Variants in PLEKHD1 observed in about 807,000 individuals in gnomAD.
PLEKHD1 encodes the protein pleckstrin homology and coiled-coil domain containing D1.
A neutral mutation model predicts 69.2 loss-of-function variants in PLEKHD1; 51 were observed. The observed-to-expected ratio is 0.74, with a 90% CI of 0.59 to 0.93. PLEKHD1 has a LOEUF of 0.93. Among genes scored for constraint, PLEKHD1 ranks in the 40% least tolerant of loss-of-function variants. The pLI, the probability that PLEKHD1 is intolerant of heterozygous loss-of-function variation, is 0.00. For missense variants in PLEKHD1, 584 were observed against 641.0 expected (o/e 0.91, Z 0.96); for synonymous variants, 236 against 244.7 (o/e 0.96, Z 0.33).
rs546187670 is a variant in PLEKHD1 at position 69,528,398 on chromosome 14, A to G, written c.1500A>G (p.Ala500=). Residue 500 remains alanine (A), a synonymous_variant, in exon 13 of 13, where the codon GCA becomes GCG. Coordinates refer to ENST00000322564, the MANE Select transcript of PLEKHD1 (RefSeq NM_001161498.2). The stretch of plus-strand genomic sequence containing the variant: ...CCACCCAGCCTGGAGCCCCCTCGGC[A>G]CTCTCCCGGGGTGGAAAGTGATGGG... ...IMATQPGAPS[A]LSRGGK 2.3e-4 allele frequency: 356 copies of G among 1,550,734 alleles called. 2 individuals are homozygous for G. The African/African-American group carries it at 4.5e-3, about 20-fold the overall frequency.
At chr14:69,523,326 C>T (rs760055665) in intron 7 of PLEKHD1, among the ~76,000 whole-genome samples, 3 of 152,320 alleles carry the variant, frequency 2.0e-5, no homozygotes, top group Non-Finnish European at 4.4e-5. Flanking sequence ...TAGTCATCAT[C>T]GTCATCCTCA....
intron 1 of PLEKHD1, among the ~76,000 whole-genome samples, chr14:69,487,633 G>A (rs1882684314): frequency 6.6e-6 from 1 of 152,248 alleles, no homozygotes. Context: ...CCTGCCTGGG[G>A]TGGGAAGGTG....
At chr14:69,489,984 A>G (rs1185430372) in intron 1 of PLEKHD1, among the ~76,000 whole-genome samples, 1 of 152,154 alleles carries the variant, frequency 6.6e-6, no homozygotes, top group East Asian at 1.9e-4. Flanking sequence ...CTCATACCTC[A>G]GCCTCCCGAT....
At chr14:69,476,983 A>G in the PLEKHD1 span, among the ~76,000 whole-genome samples, 1 of 146,434 alleles carries the variant, frequency 6.8e-6, no homozygotes, top group African/African-American at 2.5e-5. Flanking sequence ...GGGCGGGGAA[A>G]CTCCCCTTTA....
At chr14:69,484,699 C>G, upstream of PLEKHD1, 2 of 381,472 alleles carry the variant, frequency 5.2e-6, 1 homozygote, top group South Asian at 1.1e-4. Flanking sequence ...GGAGATGCTG[C>G]CGGCCCGAGG....
At chr14:69,515,747 T>TA (rs755756193) in intron 6 of PLEKHD1, among the ~76,000 whole-genome samples, 19 of 152,170 alleles carry the variant, frequency 1.2e-4, no homozygotes, top group East Asian at 5.8e-4. Context: ...ATCTCATGTG[T>TA]ACTCAGAGGG....
intron 9 of PLEKHD1, among the ~76,000 whole-genome samples, chr14:69,526,375 G>A (rs1036993645): frequency 6.6e-6 from 1 of 152,154 alleles, no homozygotes; most frequent in African/African-American, 2.4e-5. Context: ...ACCATGCTTT[G>A]TGACAGGCTG....
the PLEKHD1 span, among the ~76,000 whole-genome samples, chr14:69,477,243 T>C: frequency 6.6e-6 from 1 of 152,068 alleles, no homozygotes; most frequent in African/African-American, 2.4e-5. Context: ...TTTTAAATCA[T>C]CAGATCTGAT....
At chr14:69,498,089 TTA>T (rs1566557078) in intron 1 of PLEKHD1, among the ~76,000 whole-genome samples, 2 of 146,976 alleles carry the variant, frequency 1.4e-5, no homozygotes, top group African/African-American at 5.2e-5. Context: ...TTATTTTATT[TTA>T]TTTTATTTTA....
chr14:69,514,323 T>C (rs1883334038), intron 6 of PLEKHD1, among the ~76,000 whole-genome samples: 1 of 152,112 alleles, frequency 6.6e-6, no homozygotes, highest in African/African-American at 2.4e-5. Flanking sequence ...AGCCTCAAGC[T>C]GAGAGATTTT....
In PLEKHD1 at chr14:69,500,161, GA is replaced by G; in HGVS notation, c.203del (p.Lys68ArgfsTer36). On this transcript the variant is annotated frameshift_variant, in exon 2 of 13. Transcript: ENST00000322564. LOFTEE classifies it high-confidence loss of function. ...ESFLLYYSES[E>X]KKSFETNKYF... ...CTTTCTGCTTTACTACTCTGAGAGC[GA>G]AAAAAAGAGCTTTGAAACCAATAAA... 2 of 1,550,462 alleles carry G rather than the reference GA, an allele frequency of 1.3e-6. No individual in the cohort carries two copies. Among genetic ancestry groups the G allele is most frequent in the Non-Finnish European group, 1.7e-6 (2 of 1,146,124 alleles).
At chr14:69,524,391 T>C (rs1883592523) in intron 8 of PLEKHD1, 69 bp downstream of exon 8, 3 of 1,321,780 alleles carry the variant, frequency 2.3e-6, no homozygotes, top group South Asian at 1.3e-5. Flanking sequence ...GACACTGTTT[T>C]TTCCAGCAGT....
intron 6 of PLEKHD1, among the ~76,000 whole-genome samples, chr14:69,516,668 T>A (rs1883391012): frequency 6.6e-6 from 1 of 152,094 alleles, no homozygotes; most frequent in African/African-American, 2.4e-5. Context: ...GGTATCATGT[T>A]TTGATTTCCA....
the PLEKHD1 span, among the ~76,000 whole-genome samples, chr14:69,477,448 C>T: frequency 6.6e-6 from 1 of 152,174 alleles, no homozygotes; most frequent in Non-Finnish European, 1.5e-5. Context: ...AACATGCCTT[C>T]CCAACAGTCC....
chr14:69,471,868 A>G, the PLEKHD1 span, among the ~76,000 whole-genome samples: 1 of 152,160 alleles, frequency 6.6e-6, no homozygotes, highest in South Asian at 2.1e-4. Context: ...CATAATCCAC[A>G]TTTATTTTTA....
chr14:69,520,489 G>A (rs969415939), intron 6 of PLEKHD1, among the ~76,000 whole-genome samples: 2 of 152,084 alleles, frequency 1.3e-5, no homozygotes, highest in Non-Finnish European at 2.9e-5. Flanking sequence ...ATTTTATTGG[G>A]AGGCCAAGGT....
At position 69,496,713 on chromosome 14, in the gene PLEKHD1, T is replaced by TTTC. The variant is rs1555337120; in HGVS notation, c.150-3400_150-3399insCTT. Among the ~76,000 whole-genome samples, 249 of 149,428 alleles carry TTTC rather than the reference T, an allele frequency of 1.7e-3. 1 individual carries two copies. The highest frequency in any genetic ancestry group is 5.9e-3 in the African/African-American group (239 of 40,322). ...ACCATGCCCAGCTAATTTTTTTTTT[T>TTTC]TTTTTTTTTTTAATGTAGAGACAAG... On this transcript the variant is annotated intron_variant, in intron 1 of 12. Transcript: ENST00000322564.
chr14:69,488,008 G>A (rs934539768), intron 1 of PLEKHD1, among the ~76,000 whole-genome samples: 1 of 152,158 alleles, frequency 6.6e-6, no homozygotes, highest in African/African-American at 2.4e-5. Flanking sequence ...CTTCCTTCCT[G>A]CAACAGGAGC....
Position 69,498,048 on chromosome 14 carries a change from T to TTTTA in PLEKHD1, c.150-2063_150-2060dup, listed in dbSNP as rs1254091928. On this transcript the variant is annotated intron_variant, in intron 1 of 12. Transcript: ENST00000322564. ...TTTTATTTTGTTTTATTTTATTTTA[T>TTTTA]TTTATTTTATTTATTTTATTTTATT... Among the ~76,000 whole-genome samples, 220 of 126,908 alleles carry TTTTA rather than the reference T, an allele frequency of 1.7e-3. 1 individual carries two copies. Among genetic ancestry groups the TTTTA allele is most frequent in the African/African-American group, 5.7e-3 (192 of 33,676 alleles). 83.3% of individuals were successfully genotyped at this position (126,908 alleles called of 152,430 possible). A position where few individuals can be genotyped will look rare whatever the true frequency, so the allele number is the denominator to read the frequency against.
Sources: allele counts gnomAD v4.1 joint callset (sites outside exome capture counted in the v4.1 genomes callset), GRCh38; gene constraint gnomAD v4.1.1; transcripts MANE v1.5; gene names NCBI Gene and HGNC (gene_info 2026-07-23, HGNC 2026-07-21).